TNFRSF6B: variants seen among roughly 807,000 people sequenced by gnomAD.
TNFRSF6B encodes the protein tumor necrosis factor receptor superfamily member 6B.
Under a neutral mutation model 17.9 loss-of-function variants are expected in TNFRSF6B, and 23 were observed. That is an observed-to-expected ratio of 1.28 (90% CI 0.92 to 1.82). The LOEUF (loss-of-function observed/expected upper bound fraction) is 1.82. Among genes scored for constraint, TNFRSF6B ranks in the 40% most tolerant of loss-of-function variants. The probability of loss-of-function intolerance (pLI) is 0.00; values close to 1 mark genes in which losing one functional copy is unlikely to be tolerated. For synonymous variants in TNFRSF6B, 291 were observed against 195.8 expected, an observed-to-expected ratio of 1.49 and a Z score of -4.06; for missense variants, 555 against 437.2, an observed-to-expected ratio of 1.27 and a Z score of -2.40.
rs1420100736 is a variant in TNFRSF6B, at chr20:63,697,179, G to A, written c.412G>A (p.Val138Met). The part of the protein sequence containing the change: ...EHASCPPGAG[V>M]IAPGTPSQNT... ...CGCATCGTGTCCACCTGGTGCCGGCGTGATTGCCCCGGGTGAGAGCTGGGC... is the reference window on the plus strand; with the variant it reads ...CGCATCGTGTCCACCTGGTGCCGGCATGATTGCCCCGGGTGAGAGCTGGGC... Residue 138 changes from valine to methionine, a missense_variant, in exon 1 of 3, where the codon GTG becomes ATG. Transcript: ENST00000369996. The A allele has an allele frequency of 1.6e-5, 25 of 1,562,270 alleles. No individual in the cohort carries two copies. The highest frequency in any genetic ancestry group is 1.7e-4 in the Middle Eastern group (1 of 5,772).
rs2145489210 is a variant in TNFRSF6B at position 63,697,441 on chromosome 20, G to A, written c.538G>A (p.Ala180Thr). Residue 180 changes from alanine (A) to threonine (T), a missense_variant, in exon 2 of 3, where the codon GCC becomes ACC. Coordinates refer to ENST00000369996, the MANE Select transcript of TNFRSF6B (RefSeq NM_003823.4). Reference sequence around the variant, plus strand: ...CCGCAACTGCACGGCCCTGGGCCTGGCCCTCAATGTGCCAGGCTCTTCCTC... The same window carrying A: ...CCGCAACTGCACGGCCCTGGGCCTGACCCTCAATGTGCCAGGCTCTTCCTC... ...PHRNCTALGL[A>T]LNVPGSSSHD... 1 of 1,603,104 alleles carries A rather than the reference G, an allele frequency of 6.2e-7. No individual in the cohort carries two copies. The highest frequency in any genetic ancestry group is 1.7e-4 in the Middle Eastern group (1 of 6,048).
In TNFRSF6B at chr20:63,698,611, C is replaced by A; in HGVS notation, c.*48C>A. 1 of 1,429,004 alleles carries A rather than the reference C, an allele frequency of 7.0e-7. No homozygotes were observed. The highest frequency in any genetic ancestry group is 2.7e-5 in the East Asian group (1 of 36,576). The allele number at this position is 1,429,004 out of a possible 1,614,324, so 88.5% of individuals were successfully genotyped here. ...CTACATCCTTGGCACCCCACTTGCA[C>A]TGAAAGAGGCTTTTTTTTAAATAGA... On this transcript the variant is annotated 3_prime_UTR_variant, in exon 3 of 3. Coordinates refer to ENST00000369996, the MANE Select transcript of TNFRSF6B (RefSeq NM_003823.4).
Position 63,696,871 on chromosome 20 carries a change from C to T in TNFRSF6B, c.104C>T (p.Thr35Ile). ...PAVRGVAETP[T>I]YPWRDAETGE... ...GTACGCGGAGTGGCAGAAACACCCA[C>T]CTACCCCTGGCGGGACGCAGAGACA... The change falls in exon 1 of 3, where the codon ACC (threonine) becomes ATC (isoleucine). Residue 35 changes from threonine (T) to isoleucine (I), a missense_variant. Transcript: ENST00000369996. 1 of 1,611,850 alleles carries T rather than the reference C, an allele frequency of 6.2e-7. No individual in the cohort carries two copies. The highest frequency in any genetic ancestry group is 2.2e-5 in the East Asian group (1 of 44,860).
chr20:63,697,084 A>G lies in TNFRSF6B; in HGVS notation c.317A>G (p.His106Arg). Residue 106 changes from histidine (H) to arginine (R), a missense_variant, in exon 1 of 3, where the codon CAC (histidine) becomes CGC (arginine). By Grantham distance (29) the His-to-Arg change is conservative (BLOSUM62 0). Transcript: ENST00000369996. The stretch of plus-strand genomic sequence containing the variant: ...CGTGAGGAGGAGGCACGGGCTTGCC[A>G]CGCCACCCACAACCGTGCCTGCCGC... ...GEREEEARAC[H>R]ATHNRACRCR... 1 of 1,602,818 alleles carries G rather than the reference A, an allele frequency of 6.2e-7. No individual in the cohort carries two copies. The highest frequency in any genetic ancestry group is 1.3e-5 in the African/African-American group (1 of 74,864).
intron 2 of TNFRSF6B, 142 bp from the exon 3 acceptor site, chr20:63,698,138 C>A: frequency 9.2e-7 from 1 of 1,092,276 alleles, no homozygotes; most frequent in Non-Finnish European, 1.3e-6. Context: ...GTTGCACTGC[C>A]CTCTCCAGCA....
intron 2 of TNFRSF6B, 84 bp from the exon 3 acceptor site, chr20:63,698,193 TGGG>T: frequency 6.6e-7 from 1 of 1,521,394 alleles, no homozygotes; most frequent in Admixed American, 2.1e-5. Context: ...ACCCCCCGAG[TGGG>T]GCCCAGAAAG....
At position 63,698,368 on chromosome 20, in the gene TNFRSF6B, CGAGGCCCCG is replaced by C; in HGVS notation, c.713_721del (p.Ala238_Glu240del). 1 of 1,609,598 alleles carries C rather than the reference CGAGGCCCCG, an allele frequency of 6.2e-7. No individual in the cohort carries two copies. Among genetic ancestry groups the C allele is most frequent in the Non-Finnish European group, 8.5e-7 (1 of 1,178,718 alleles). On this transcript the variant is annotated inframe_deletion, in exon 3 of 3. Coordinates refer to ENST00000369996, the MANE Select transcript of TNFRSF6B (RefSeq NM_003823.4). ...GGCTGCAGCGGCTGCTGCAGGCCCTCGAGGCCCCGGAGGGCTGGGGTCCGACACCAAGGG... is the reference window on the plus strand; with the variant it reads ...GGCTGCAGCGGCTGCTGCAGGCCCTCGAGGGCTGGGGTCCGACACCAAGGG...
At position 63,697,146 on chromosome 20, in the gene TNFRSF6B, T is replaced by C. The variant is rs757795136; in HGVS notation, c.379T>C (p.Leu127=). Residue 127 remains leucine, a synonymous_variant, in exon 1 of 3, where the codon TTG becomes CTG. Coordinates refer to ENST00000369996, the MANE Select transcript of TNFRSF6B (RefSeq NM_003823.4). Reference sequence around the variant, plus strand: ...CTTCTTCGCGCACGCTGGTTTCTGCTTGGAGCACGCATCGTGTCCACCTGG... The same window carrying C: ...CTTCTTCGCGCACGCTGGTTTCTGCCTGGAGCACGCATCGTGTCCACCTGG... ...TGFFAHAGFC[L]EHASCPPGAG... 1.3e-6 allele frequency: 2 copies of C among 1,581,144 alleles called. No individual in the cohort carries two copies. The highest frequency in any genetic ancestry group is 1.7e-6 in the Non-Finnish European group (2 of 1,165,956).
In TNFRSF6B at chr20:63,696,808, T is replaced by A; in HGVS notation, c.41T>A (p.Leu14Gln). 6.2e-7 allele frequency: 1 copy of A among 1,608,186 alleles called. No homozygotes were observed. Among genetic ancestry groups the A allele is most frequent in the Non-Finnish European group, 8.5e-7 (1 of 1,177,768 alleles). The change falls in exon 1 of 3, where the codon CTG becomes CAG. Residue 14 changes from leucine to glutamine, a missense_variant. Physicochemically the swap from Leu to Gln is moderately radical, Grantham distance 113. Coordinates refer to ENST00000369996, the MANE Select transcript of TNFRSF6B (RefSeq NM_003823.4). Reference protein sequence around the residue: ...LEGPGLSLLCLVLALPALLPV... With the variant: ...LEGPGLSLLCQVLALPALLPV... ...GGGCCAGGCCTGTCGCTGCTGTGCC[T>A]GGTGTTGGCGCTGCCTGCCCTGCTG... is the stretch of plus-strand genomic sequence containing the variant.
rs767409632 is a variant in TNFRSF6B at position 63,696,743 on chromosome 20, C to T, written c.-25C>T. ...AGGGTCCTGTGTCCGCGCTGAGCCG[C>T]GCTCTCCCTGCTCCAGCAAGGACCA... On this transcript the variant is annotated 5_prime_UTR_variant, in exon 1 of 3. Transcript: ENST00000369996. 1.4e-5 allele frequency: 22 copies of T among 1,534,622 alleles called. No individual in the cohort carries two copies. The highest frequency in any genetic ancestry group is 5.5e-5 in the African/African-American group (4 of 73,172).
Position 63,697,071 on chromosome 20 carries a change from G to T in TNFRSF6B, c.304G>T (p.Ala102Ser). Reference protein sequence around the residue: ...NVLCGEREEEARACHATHNRA... With the variant: ...NVLCGEREEESRACHATHNRA... ...CCTCTGCGGGGAGCGTGAGGAGGAG[G>T]CACGGGCTTGCCACGCCACCCACAA... The change falls in exon 1 of 3, where the codon GCA (alanine) becomes TCA (serine). Residue 102 changes from alanine to serine, a missense_variant. By Grantham distance (99) the Ala-to-Ser change is moderately conservative (BLOSUM62 1). Transcript: ENST00000369996. 6.2e-7 allele frequency: 1 copy of T among 1,605,718 alleles called. No individual in the cohort carries two copies.
chr20:63,698,097 G>A (rs980369459), intron 2 of TNFRSF6B, among the ~76,000 whole-genome samples, 183 bp from the exon 3 acceptor site: 1 of 151,954 alleles, frequency 6.6e-6, no homozygotes, highest in African/African-American at 2.4e-5. Flanking sequence ...CTCTCTGACC[G>A]AAGGCTCCTG....
chr20:63,698,251 C>T lies in TNFRSF6B; in HGVS notation c.620-29C>T, dbSNP rs369505171. The T allele has an allele frequency of 1.3e-5, 21 of 1,605,210 alleles. No individual in the cohort carries two copies. The East Asian group carries it at 1.6e-4, about 12-fold the overall frequency. ...CGCCAGTGTGTGTGGGTGAAATGAT[C>T]GGACCGCTGCCTCCCCACCCCACTG... On this transcript the variant is annotated intron_variant, in intron 2 of 2. Coordinates refer to ENST00000369996, the MANE Select transcript of TNFRSF6B (RefSeq NM_003823.4).
chr20:63,698,460 C>G lies in TNFRSF6B; in HGVS notation c.800C>G (p.Ala267Gly), dbSNP rs1041805018. The G allele has an allele frequency of 6.4e-7, 1 of 1,561,802 alleles. No homozygotes were observed. The highest frequency in any genetic ancestry group is 8.6e-7 in the Non-Finnish European group (1 of 1,159,746). The change falls in exon 3 of 3, where the codon GCG becomes GGG. Residue 267 changes from alanine (A) to glycine (G), a missense_variant. Transcript: ENST00000369996. Reference sequence around the variant, plus strand: ...CGGCGGCTCACGGAGCTCCTGGGGGCGCAGGACGGGGCGCTGCTGGTGCGG... The same window carrying G: ...CGGCGGCTCACGGAGCTCCTGGGGGGGCAGGACGGGGCGCTGCTGGTGCGG... ...LRRRLTELLGAQDGALLVRLL... is the reference protein window; with the variant it reads ...LRRRLTELLGGQDGALLVRLL...
intron 2 of TNFRSF6B, 120 bp downstream of exon 2, chr20:63,697,642 G>A: frequency 8.9e-7 from 1 of 1,129,154 alleles, no homozygotes. Flanking sequence ...AGGGGCCACA[G>A]TGGATTTGAG....
intron 2 of TNFRSF6B, among the ~76,000 whole-genome samples, chr20:63,697,928 G>A (rs1225437336): frequency 1.3e-5 from 2 of 152,170 alleles, no homozygotes; most frequent in Admixed American, 6.5e-5. Context: ...AGTCACAGGG[G>A]GAAGTGACCC....
rs371878362 is a variant in TNFRSF6B at position 63,697,204 on chromosome 20, C to T, written c.424+13C>T. Reference sequence around the variant, plus strand: ...GTGATTGCCCCGGGTGAGAGCTGGGCGAGGGGAGGGGCCCCCAGGAGTGGT... The same window carrying T: ...GTGATTGCCCCGGGTGAGAGCTGGGTGAGGGGAGGGGCCCCCAGGAGTGGT... On this transcript the variant is annotated intron_variant, in intron 1 of 2. Coordinates refer to ENST00000369996, the MANE Select transcript of TNFRSF6B (RefSeq NM_003823.4). The T allele has an allele frequency of 2.3e-5, 35 of 1,553,034 alleles. No individual in the cohort carries two copies. The highest frequency in any genetic ancestry group is 1.8e-4 in the Middle Eastern group (1 of 5,700).
At chr20:63,698,165 G>A in intron 2 of TNFRSF6B, 115 bp from the exon 3 acceptor site, 1 of 1,348,900 alleles carries the variant, frequency 7.4e-7, no homozygotes, top group Non-Finnish European at 1.0e-6. Context: ...ACTGCACAGG[G>A]ATTTCTCTCT....
chr20:63,697,281 G>C (rs758670437), intron 1 of TNFRSF6B, 47 bp from the exon 2 acceptor site: 2 of 1,579,896 alleles, frequency 1.3e-6, no homozygotes. Context: ...TGCACCCTGA[G>C]CTAGGACACC....
Sources: gnomAD v4.1 joint callset for allele counts (sites outside exome capture counted in the v4.1 genomes callset) on GRCh38, gnomAD v4.1.1 for gene constraint, MANE v1.5 for transcripts, NCBI Gene and HGNC (gene_info 2026-07-23, HGNC 2026-07-21) for gene names.